FREM3: variants seen among roughly 807,000 people sequenced by gnomAD.
FREM3 encodes the protein FRAS1 related extracellular matrix 3.
A neutral mutation model predicts 129.1 loss-of-function variants in FREM3; 105 were observed. The ratio of observed to expected loss-of-function variants is 0.81; its 90% confidence interval spans 0.69 to 0.96. The LOEUF (loss-of-function observed/expected upper bound fraction) is 0.96. Ranked by LOEUF, FREM3 falls within the 40% of genes least tolerant of loss-of-function variation. The probability of loss-of-function intolerance (pLI) is 0.00; values close to 1 mark genes in which losing one functional copy is unlikely to be tolerated. For missense variants in FREM3, 2,593 were observed against 2,666.3 expected, an observed-to-expected ratio of 0.97 and a Z score of 0.61; for synonymous variants, 1,014 against 1,044.9, an observed-to-expected ratio of 0.97 and a Z score of 0.57.
chr4:143,615,973 C>T (rs1318333724), intron 5 of FREM3, among the ~76,000 whole-genome samples: 3 of 152,168 alleles, frequency 2.0e-5, no homozygotes, highest in Non-Finnish European at 4.4e-5. Context: ...GTGTCTGGAT[C>T]AGTAGTACCC....
chr4:143,584,326 G>A (rs1462615530), intron 7 of FREM3, among the ~76,000 whole-genome samples: 11 of 151,492 alleles, frequency 7.3e-5, no homozygotes, highest in East Asian at 5.8e-4. Flanking sequence ...GGAGAATGGC[G>A]TGAACCCGGG....
chr4:143,595,654 A>G (rs543929781), intron 6 of FREM3, among the ~76,000 whole-genome samples: 67 of 152,224 alleles, frequency 4.4e-4, no homozygotes, highest in Middle Eastern at 6.8e-3. Flanking sequence ...TTGGGAGGCC[A>G]AGGTGGGCGG....
Position 143,621,071 on chromosome 4 carries a change from G to T in FREM3, c.5745C>A (p.Ser1915Arg). Residue 1915 changes from serine (S) to arginine (R), a missense_variant, in exon 5 of 8, where the codon AGC (serine) becomes AGA (arginine). Physicochemically the swap from Ser to Arg is moderately radical, Grantham distance 110 (BLOSUM62 -1). Coordinates refer to ENST00000329798, the MANE Select transcript of FREM3 (RefSeq NM_001168235.2). ...LIPVRRSGDASQELIVICSTR... is the reference protein window; with the variant it reads ...LIPVRRSGDARQELIVICSTR... ...TGGAGCAAATGACGATTAGTTCCTG[G>T]CTTGCATCTCCAGATCGTCTTACTG... is the stretch of plus-strand genomic sequence containing the variant. 6.5e-7 allele frequency: 1 copy of T among 1,537,172 alleles called. No homozygotes were observed. Among genetic ancestry groups the T allele is most frequent in the Non-Finnish European group, 8.7e-7 (1 of 1,146,826 alleles).
intron 2 of FREM3, among the ~76,000 whole-genome samples, chr4:143,675,372 C>G (rs193016): frequency 6.6e-6 from 1 of 152,130 alleles, no homozygotes; most frequent in African/African-American, 2.4e-5. Context: ...ACCAGAATCT[C>G]TGGGACACAT....
chr4:143,618,167 C>T (rs1294981475), intron 5 of FREM3, among the ~76,000 whole-genome samples: 1 of 152,036 alleles, frequency 6.6e-6, no homozygotes, highest in Non-Finnish European at 1.5e-5. Flanking sequence ...GTGTCTGGCA[C>T]GGAGTCAGCT....
At chr4:143,661,968 A>G (rs1034726444) in intron 2 of FREM3, among the ~76,000 whole-genome samples, 11 of 150,930 alleles carry the variant, frequency 7.3e-5, no homozygotes, top group Non-Finnish European at 1.3e-4. Context: ...CATCTATTTG[A>G]TTCTTCTCTC....
At chr4:143,675,838 C>A (rs537780311) in intron 2 of FREM3, among the ~76,000 whole-genome samples, 2 of 152,136 alleles carry the variant, frequency 1.3e-5, no homozygotes, top group Non-Finnish European at 2.9e-5. Context: ...AAGACTAAAC[C>A]AGGAAGAAGT....
Position 143,696,891 on chromosome 4 carries a change from T to C in FREM3, c.3785A>G (p.Glu1262Gly), listed in dbSNP as rs777803059. Residue 1262 changes from glutamate to glycine, a missense_variant, in exon 1 of 8, where the codon GAG becomes GGG. Physicochemically the swap from Glu to Gly is moderately conservative, Grantham distance 98 (BLOSUM62 -2). Transcript: ENST00000329798. ...ATGCTCATACACAATGGTGGAGGCC[T>C]CCTGGATCTCCTTGAGGGTGAAGCT... ...IHSFTLKEIQ[E>G]ASTIVYEHDD... 57 of 1,537,706 alleles carry C rather than the reference T, an allele frequency of 3.7e-5. No individual in the cohort carries two copies. The African/African-American group carries it at 7.2e-4, about 20-fold the overall frequency.
chr4:143,650,025 C>T (rs928117340), intron 2 of FREM3, among the ~76,000 whole-genome samples: 5 of 152,194 alleles, frequency 3.3e-5, no homozygotes, highest in African/African-American at 1.2e-4. Flanking sequence ...TATCTTTGTT[C>T]CCATTCATTG....
At position 143,696,264 on chromosome 4, in the gene FREM3, C is replaced by G. The variant is rs1183069951; in HGVS notation, c.4412G>C (p.Gly1471Ala). 3.3e-6 allele frequency: 5 copies of G among 1,537,752 alleles called. No homozygotes were observed. The highest frequency in any genetic ancestry group is 4.4e-6 in the Non-Finnish European group (5 of 1,147,042). ...AGCATAGTCAGAACTTTCTAAGTGA[C>G]CCAGGCTTGGAGCCCGTGTAATGCT... is the stretch of plus-strand genomic sequence containing the variant. The part of the protein sequence containing the change: ...HFSITRAPSL[G>A]HLESSDYAGE... Residue 1471 changes from glycine (G) to alanine (A), a missense_variant, in exon 1 of 8, where the codon GGT (glycine) becomes GCT (alanine). Gly to Ala is a moderately conservative substitution (Grantham distance 60). Transcript: ENST00000329798.
intron 2 of FREM3, among the ~76,000 whole-genome samples, chr4:143,677,530 A>G (rs1228429514): frequency 1.3e-5 from 2 of 152,258 alleles, no homozygotes; most frequent in South Asian, 2.1e-4. Flanking sequence ...AACAGAAGCC[A>G]AAATTGACAA....
At chr4:143,587,310 C>T (rs1738259595) in intron 6 of FREM3, among the ~76,000 whole-genome samples, 1 of 152,176 alleles carries the variant, frequency 6.6e-6, no homozygotes, top group African/African-American at 2.4e-5. Flanking sequence ...AATAATCATT[C>T]TTCACTCTGT....
chr4:143,688,531 A>C (rs569164532), intron 2 of FREM3, among the ~76,000 whole-genome samples: 147 of 152,262 alleles, frequency 9.7e-4, no homozygotes, highest in Non-Finnish European at 1.6e-3. Flanking sequence ...CAATTCTAAA[A>C]CTCATACAGA....
chr4:143,663,281 G>A (rs1429694017), intron 2 of FREM3, among the ~76,000 whole-genome samples: 1 of 151,920 alleles, frequency 6.6e-6, no homozygotes, highest in Non-Finnish European at 1.5e-5. Flanking sequence ...CAGGCCTGGT[G>A]GTGACAAAAT....
chr4:143,675,876 C>A (rs534906753), intron 2 of FREM3, among the ~76,000 whole-genome samples: 190 of 152,142 alleles, frequency 1.2e-3, no homozygotes, highest in Middle Eastern at 3.4e-3. Flanking sequence ...CAATAACAGG[C>A]TCTGAAACTG....
chr4:143,700,490 C>G lies in FREM3; in HGVS notation c.186G>C (p.Val62=), dbSNP rs1578878244. The change falls in exon 1 of 8, where the codon GTG becomes GTC. Residue 62 remains valine (V), a synonymous_variant. Coordinates refer to ENST00000329798, the MANE Select transcript of FREM3 (RefSeq NM_001168235.2). The stretch of plus-strand genomic sequence containing the variant: ...CCCGGAGTCCAGGGTTGGCAATCAG[C>G]ACGCTGGGGCCGTCGGGGCGAGTGC... ...LDGTRPDGPS[V]LIANPGLRVP... 6.0e-6 allele frequency: 9 copies of G among 1,509,896 alleles called. No individual in the cohort carries two copies. The highest frequency in any genetic ancestry group is 1.4e-5 in the African/African-American group (1 of 72,388). The allele number at this position is 1,509,896 out of a possible 1,614,324, so 93.5% of individuals were successfully genotyped here.
In FREM3 at chr4:143,697,383, A is replaced by T; in HGVS notation, c.3293T>A (p.Val1098Glu). 1 of 1,537,226 alleles carries T rather than the reference A, an allele frequency of 6.5e-7. No individual in the cohort carries two copies. Among genetic ancestry groups the T allele is most frequent in the Non-Finnish European group, 8.7e-7 (1 of 1,146,884 alleles). ...GAGGAGTTCATCTTGATGAGTGTCC[A>T]CATCTTCAACATGGAGATGTTGTAA... ...LTLQHLHVED[V>E]DTHQDELLCT... The change falls in exon 1 of 8, where the codon GTG (valine) becomes GAG (glutamate). Residue 1098 changes from valine to glutamate, a missense_variant. Around this residue, in one of 2 missense-constraint regions of FREM3, gnomAD observed 2,276 missense variants for 2,267.2 expected, o/e 1.00. Coordinates refer to ENST00000329798, the MANE Select transcript of FREM3 (RefSeq NM_001168235.2).
chr4:143,663,353 A>G (rs376997440), intron 2 of FREM3, among the ~76,000 whole-genome samples: 4 of 151,998 alleles, frequency 2.6e-5, no homozygotes, highest in East Asian at 1.9e-4. Flanking sequence ...AGCTTAGTTT[A>G]GCTGGATATG....
intron 6 of FREM3, among the ~76,000 whole-genome samples, chr4:143,589,957 C>G (rs370078099): frequency 6.6e-6 from 1 of 152,064 alleles, no homozygotes; most frequent in African/African-American, 2.4e-5. Context: ...GGTCCTTCAC[C>G]TCCCTTGTAA....
Sources: allele counts gnomAD v4.1 joint callset (sites outside exome capture counted in the v4.1 genomes callset), GRCh38; gene constraint gnomAD v4.1.1; regional missense constraint gnomAD v4.1.1; transcripts MANE v1.5; gene names NCBI Gene and HGNC (gene_info 2026-07-23, HGNC 2026-07-21).